PDE8B: variants seen among roughly 807,000 people sequenced by gnomAD.
PDE8B encodes phosphodiesterase 8B.
Under a neutral mutation model 101.3 loss-of-function variants are expected in PDE8B, and 26 were observed. The ratio of observed to expected loss-of-function variants is 0.26; its 90% confidence interval spans 0.19 to 0.36. The LOEUF is 0.36. Among genes scored for constraint, PDE8B ranks in the 10% least tolerant of loss-of-function variants. The pLI is 1.00. For synonymous variants in PDE8B, 424 were observed against 429.3 expected, an observed-to-expected ratio of 0.99 and a Z score of 0.15; for missense variants, 810 against 1,163.1, an observed-to-expected ratio of 0.70 and a Z score of 4.42.
At chr5:77,342,752 G>C (rs1190233815) in intron 6 of PDE8B, among the ~76,000 whole-genome samples, 1 of 152,140 alleles carries the variant, frequency 6.6e-6, no homozygotes, top group Non-Finnish European at 1.5e-5. Context: ...AAATATTCCA[G>C]AAATATAGGG....
chr5:77,395,624 C>T (rs185768558), intron 10 of PDE8B, among the ~76,000 whole-genome samples: 1 of 152,028 alleles, frequency 6.6e-6, no homozygotes, highest in Non-Finnish European at 1.5e-5. Context: ...TTTTTATTAG[C>T]ATCTGTAAGA....
chr5:77,329,033 T>C lies in PDE8B; in HGVS notation c.626T>C (p.Val209Ala). 6.2e-7 allele frequency: 1 copy of C among 1,614,052 alleles called. No individual in the cohort carries two copies. The highest frequency in any genetic ancestry group is 1.1e-5 in the South Asian group (1 of 91,080). Residue 209 changes from valine (V) to alanine (A), a missense_variant, in exon 4 of 22, where the codon GTG becomes GCG. Val to Ala is a moderately conservative substitution (Grantham distance 64). Around this residue, in one of 4 missense-constraint regions of PDE8B, gnomAD observed 251 missense variants for 378.8 expected, o/e 0.66. Coordinates refer to ENST00000264917, the MANE Select transcript of PDE8B (RefSeq NM_003719.5). ...GCCACAAATCCCTCCGAGCACACGG[T>C]GATCCTCGCAGTGGTTTCGCGAGTG... ...IRATNPSEHT[V>A]ILAVVSRVSD...
chr5:77,108,463 C>T, the PDE8B span, among the ~76,000 whole-genome samples: 1,152 of 152,248 alleles, frequency 7.6e-3, 23 homozygotes, highest in African/African-American at 0.026. Context: ...GCAGGCAGAT[C>T]ACTTAAGGCC....
chr5:77,245,414 A>G (rs1756647957), intron 1 of PDE8B, among the ~76,000 whole-genome samples: 1 of 152,224 alleles, frequency 6.6e-6, no homozygotes. Context: ...AGATAATTAG[A>G]TTTTTTAAAA....
the PDE8B span, among the ~76,000 whole-genome samples, chr5:77,110,859 AC>A: frequency 6.6e-6 from 1 of 152,040 alleles, no homozygotes; most frequent in Non-Finnish European, 1.5e-5. Context: ...ATCCTTCCAA[AC>A]CTATCTGCTA....
chr5:77,106,502 G>A, the PDE8B span, among the ~76,000 whole-genome samples: 139 of 152,208 alleles, frequency 9.1e-4, no homozygotes, highest in Middle Eastern at 3.4e-3. Context: ...CACATTGATC[G>A]CATATCTATG....
rs753292058 is a variant in PDE8B at position 77,427,336 on chromosome 5, C to T, written c.*782C>T. On this transcript the variant is annotated 3_prime_UTR_variant, in exon 22 of 22. Coordinates refer to ENST00000264917, the MANE Select transcript of PDE8B (RefSeq NM_003719.5). Reference sequence around the variant, plus strand: ...TATTTCTGGCTCACAGAGGCAGCCACGAGGCACTACACCAAGTATTATATA... The same window carrying T: ...TATTTCTGGCTCACAGAGGCAGCCATGAGGCACTACACCAAGTATTATATA... The T allele has an allele frequency of 1.3e-5, 2 of 151,334 alleles. No homozygotes were observed. Among genetic ancestry groups the T allele is most frequent in the Non-Finnish European group, 2.9e-5 (2 of 67,952 alleles). 9.4% of individuals were successfully genotyped at this position (151,334 alleles called of 1,614,324 possible).
intron 10 of PDE8B, among the ~76,000 whole-genome samples, chr5:77,387,135 G>A (rs1234132947): frequency 2.6e-5 from 4 of 151,692 alleles, no homozygotes; most frequent in African/African-American, 7.3e-5. Flanking sequence ...CACCCGCCTC[G>A]GCCGATGTAG....
chr5:77,391,676 A>G (rs1055743738), intron 10 of PDE8B, among the ~76,000 whole-genome samples: 1 of 152,230 alleles, frequency 6.6e-6, no homozygotes, highest in Non-Finnish European at 1.5e-5. Flanking sequence ...CACTCTAGAC[A>G]GAACACAAAA....
chr5:77,192,041 G>C, the PDE8B span, among the ~76,000 whole-genome samples: 6 of 152,240 alleles, frequency 3.9e-5, no homozygotes, highest in African/African-American at 1.4e-4. Flanking sequence ...GATCTGACAG[G>C]AGACGGAGTT....
chr5:77,152,623 C>T, the PDE8B span, among the ~76,000 whole-genome samples: 1 of 152,192 alleles, frequency 6.6e-6, no homozygotes, highest in African/African-American at 2.4e-5. Context: ...GCTTTTTCTC[C>T]AGCATTGTTA....
chr5:77,243,494 C>T (rs534123722), intron 1 of PDE8B, among the ~76,000 whole-genome samples: 4 of 152,156 alleles, frequency 2.6e-5, no homozygotes, highest in Non-Finnish European at 4.4e-5. Flanking sequence ...TCCCTAGCAC[C>T]TGTTTACAGT....
At chr5:77,291,593 G>A (rs921520820) in intron 1 of PDE8B, 2 of 1,597,998 alleles carry the variant, frequency 1.3e-6, no homozygotes, top group African/African-American at 2.7e-5. Context: ...TCTTTCGCTG[G>A]CTTGGACCTA....
chr5:77,326,291 A>G (rs569881410), intron 3 of PDE8B, among the ~76,000 whole-genome samples: 71 of 152,340 alleles, frequency 4.7e-4, no homozygotes, highest in Admixed American at 7.8e-4. Flanking sequence ...CCTGTTCATA[A>G]ATAAATGCTC....
chr5:77,220,061 C>G (rs773860860), intron 1 of PDE8B, among the ~76,000 whole-genome samples: 35 of 152,308 alleles, frequency 2.3e-4, no homozygotes, highest in Non-Finnish European at 4.6e-4. Flanking sequence ...CCTGCTCTCC[C>G]CCTCCCACAT....
At chr5:77,323,128 G>A (rs1775400735) in intron 2 of PDE8B, among the ~76,000 whole-genome samples, 2 of 152,184 alleles carry the variant, frequency 1.3e-5, no homozygotes, top group Non-Finnish European at 2.9e-5. Flanking sequence ...CAAGTAAAAG[G>A]TTATTGACTT....
intron 1 of PDE8B, among the ~76,000 whole-genome samples, chr5:77,293,329 G>A (rs931094739): frequency 1.3e-5 from 2 of 152,162 alleles, no homozygotes; most frequent in African/African-American, 4.8e-5. Flanking sequence ...TTAGCCAGTG[G>A]CTGGAATTTA....
the PDE8B span, among the ~76,000 whole-genome samples, chr5:77,163,842 A>G: frequency 6.6e-5 from 10 of 152,220 alleles, no homozygotes; most frequent in Non-Finnish European, 8.8e-5. Context: ...TAAGAACTCC[A>G]TATTCTTTAC....
chr5:77,191,054 C>T, the PDE8B span, among the ~76,000 whole-genome samples: 64 of 152,332 alleles, frequency 4.2e-4, no homozygotes, highest in African/African-American at 1.5e-3. Flanking sequence ...AGCTGGCACA[C>T]AGCCATTTTC....
Sources: allele counts gnomAD v4.1 joint callset (sites outside exome capture counted in the v4.1 genomes callset), GRCh38; gene constraint gnomAD v4.1.1; regional missense constraint gnomAD v4.1.1; transcripts MANE v1.5; gene names NCBI Gene and HGNC (gene_info 2026-07-23, HGNC 2026-07-21).